The following PLLP variants were observed in gnomAD, a reference collection of about 807,000 sequenced individuals.
PLLP encodes the protein plasmolipin.
Under a neutral mutation model 19.7 loss-of-function variants are expected in PLLP, and 15 were observed. The observed-to-expected ratio is 0.76, with a 90% confidence interval of 0.51 to 1.17. The LOEUF (loss-of-function observed/expected upper bound fraction) is 1.17. Among genes scored for constraint, PLLP ranks in the 50% most tolerant of loss-of-function variants. The pLI, the probability that PLLP is intolerant of heterozygous loss-of-function variation, is 0.00. For missense variants in PLLP, 255 were observed against 258.3 expected (o/e 0.99, Z 0.09); for synonymous variants, 111 against 116.3 (o/e 0.95, Z 0.29).
intron 1 of PLLP, among the ~76,000 whole-genome samples, chr16:57,282,114 C>T (rs77065146): frequency 0.048 from 7,311 of 152,102 alleles, 549 homozygotes; most frequent in African/African-American, 0.17. Context: ...ACAAGCCTGC[C>T]CTAGAGGAAG....
intron 1 of PLLP, among the ~76,000 whole-genome samples, chr16:57,279,055 C>T (rs1172428298): frequency 1.3e-5 from 2 of 152,216 alleles, no homozygotes; most frequent in Non-Finnish European, 2.9e-5. Flanking sequence ...GCAAAGGCAC[C>T]TCTTATGCTT....
At chr16:57,267,856 C>G (rs1231747274) in intron 1 of PLLP, among the ~76,000 whole-genome samples, 1 of 116,654 alleles carries the variant, frequency 8.6e-6, no homozygotes, top group East Asian at 2.5e-4. Context: ...GCCTGGGCAA[C>G]AAGAGCGAAA....
In PLLP at chr16:57,261,993, G is replaced by A. The variant is rs1278764218; in HGVS notation, c.213C>T (p.Phe71=). 12 of 1,614,114 alleles carry A rather than the reference G, an allele frequency of 7.4e-6. No homozygotes were observed. The Admixed American group carries it at 1.3e-4, about 18-fold the overall frequency. Residue 71 remains phenylalanine, a synonymous_variant, in exon 2 of 4, where the codon TTC becomes TTT. Transcript: ENST00000219207. The stretch of plus-strand genomic sequence containing the variant: ...TCACCAGCCAGAGGAAGACAGCGAC[G>A]AACATCACCCAGCCATAGGCCGGAT... The part of the protein sequence containing the change: ...HLYPAYGWVM[F]VAVFLWLVTI...
intron 1 of PLLP, among the ~76,000 whole-genome samples, chr16:57,277,708 G>C (rs1307108418): frequency 1.3e-5 from 2 of 152,224 alleles, no homozygotes; most frequent in African/African-American, 2.4e-5. Flanking sequence ...CTGGGGAAAA[G>C]CATGGCTTGG....
intron 1 of PLLP, among the ~76,000 whole-genome samples, chr16:57,283,103 C>G (rs1189077331): frequency 6.6e-6 from 1 of 152,142 alleles, no homozygotes; most frequent in Admixed American, 6.5e-5. Flanking sequence ...TTCTCCCCCA[C>G]CCCCCAAAAG....
intron 1 of PLLP, among the ~76,000 whole-genome samples, chr16:57,268,741 G>A (rs548360798): frequency 2.0e-5 from 3 of 152,282 alleles, no homozygotes; most frequent in Non-Finnish European, 2.9e-5. Flanking sequence ...TCCTGCCTGG[G>A]CCCTAGGGTA....
At position 57,256,154 on chromosome 16, in the gene PLLP, T is replaced by A. The variant is rs2075424814; in HGVS notation, c.*759A>T. ...AATAAAACAGTCACCACCAACCACATGACAACTCGCCAGGCAAGGCCTTGC... is the reference window on the plus strand; with the variant it reads ...AATAAAACAGTCACCACCAACCACAAGACAACTCGCCAGGCAAGGCCTTGC... On this transcript the variant is annotated 3_prime_UTR_variant, in exon 4 of 4. Coordinates refer to ENST00000219207, the MANE Select transcript of PLLP (RefSeq NM_015993.3). The A allele has an allele frequency of 7.6e-6, 3 of 397,092 alleles. No homozygotes were observed. The highest frequency in any genetic ancestry group is 4.1e-5 in the African/African-American group (2 of 48,612). 24.6% of individuals were successfully genotyped at this position (397,092 alleles called of 1,614,324 possible). A position where few individuals can be genotyped will look rare whatever the true frequency, so the allele number is the denominator to read the frequency against.
At position 57,275,716 on chromosome 16, in the gene PLLP, T is replaced by C. The variant is rs191373624; in HGVS notation, c.135+8690A>G. On this transcript the variant is annotated intron_variant, in intron 1 of 3. Coordinates refer to ENST00000219207, the MANE Select transcript of PLLP (RefSeq NM_015993.3). ...AAACAAACAAATTAGGAAAGAAATA[T>C]TTGCAAATAATCCAGAACTCCTAGC... Among the ~76,000 whole-genome samples the C allele has an allele frequency of 2.9e-5, 4 of 136,050 alleles. No individual in the cohort carries two copies. The East Asian group carries it at 8.6e-4, about 29-fold the overall frequency. 89.3% of individuals were successfully genotyped at this position (136,050 alleles called of 152,430 possible).
intron 1 of PLLP, among the ~76,000 whole-genome samples, chr16:57,276,913 G>A (rs1175250556): frequency 1.3e-5 from 2 of 152,144 alleles, no homozygotes; most frequent in African/African-American, 4.8e-5. Context: ...TAGAAAACCC[G>A]AAGTGTCTGT....
chr16:57,273,548 G>A (rs1213236166), intron 1 of PLLP, among the ~76,000 whole-genome samples: 2 of 152,204 alleles, frequency 1.3e-5, no homozygotes, highest in Non-Finnish European at 2.9e-5. Context: ...GCCTGGGCCT[G>A]GCTTTTGTCA....
intron 3 of PLLP, among the ~76,000 whole-genome samples, chr16:57,257,711 T>G (rs1401760101): frequency 6.6e-6 from 1 of 152,208 alleles, no homozygotes; most frequent in Non-Finnish European, 1.5e-5. Flanking sequence ...ACTGGCCACC[T>G]GACGTGGGCC....
At chr16:57,273,692 T>C (rs1420968320) in intron 1 of PLLP, among the ~76,000 whole-genome samples, 1 of 152,120 alleles carries the variant, frequency 6.6e-6, no homozygotes, top group African/African-American at 2.4e-5. Flanking sequence ...GAAATCAGGG[T>C]CCTAGTCCTC....
At chr16:57,270,512 A>C (rs1470968432) in intron 1 of PLLP, among the ~76,000 whole-genome samples, 1 of 151,860 alleles carries the variant, frequency 6.6e-6, no homozygotes, top group African/African-American at 2.4e-5. Flanking sequence ...CACTGGGGAC[A>C]CATCTGGGCA....
chr16:57,278,087 C>T (rs1348755833), intron 1 of PLLP, among the ~76,000 whole-genome samples: 3 of 152,096 alleles, frequency 2.0e-5, no homozygotes. Context: ...TGCCTGTAAT[C>T]CCAGCACTTT....
rs550392872 is a variant in PLLP at position 57,264,764 on chromosome 16, G to A, written c.136-2694C>T. On this transcript the variant is annotated intron_variant, in intron 1 of 3. Coordinates refer to ENST00000219207, the MANE Select transcript of PLLP (RefSeq NM_015993.3). ...CTTGGGAGGCTGAGTGGGGAGGATCGCTTGAACCTGGGAGGTTGAGGCTAC... is the reference window on the plus strand; with the variant it reads ...CTTGGGAGGCTGAGTGGGGAGGATCACTTGAACCTGGGAGGTTGAGGCTAC... Among the ~76,000 whole-genome samples the A allele has an allele frequency of 2.6e-5, 4 of 152,290 alleles. No homozygotes were observed. The East Asian group carries it at 5.8e-4, about 22-fold the overall frequency.
chr16:57,256,946 C>T lies in PLLP; in HGVS notation c.516G>A (p.Ala172=), dbSNP rs746584000. 5.6e-6 allele frequency: 9 copies of T among 1,613,434 alleles called. No homozygotes were observed. Among genetic ancestry groups the T allele is most frequent in the African/African-American group, 5.3e-5 (4 of 74,926 alleles). The change falls in exon 4 of 4, where the codon GCG becomes GCA. Residue 172 remains alanine, a synonymous_variant. Coordinates refer to ENST00000219207, the MANE Select transcript of PLLP (RefSeq NM_015993.3). Reference sequence around the variant, plus strand: ...AGCCGCCAGCCATCTGACTGGTGGCCGCATTGCTGCCTACTCCTCGCCAGG... The same window carrying T: ...AGCCGCCAGCCATCTGACTGGTGGCTGCATTGCTGCCTACTCCTCGCCAGG... The part of the protein sequence containing the change: ...YQAWRGVGSN[A]ATSQMAGGYA
chr16:57,276,387 T>A (rs1209764911), intron 1 of PLLP, among the ~76,000 whole-genome samples: 1 of 151,382 alleles, frequency 6.6e-6, no homozygotes, highest in Non-Finnish European at 1.5e-5. Context: ...AGGTCAGGAG[T>A]TCAAGACCAG....
At chr16:57,270,914 T>C (rs2075472935) in intron 1 of PLLP, among the ~76,000 whole-genome samples, 1 of 152,100 alleles carries the variant, frequency 6.6e-6, no homozygotes, top group Non-Finnish European at 1.5e-5. Flanking sequence ...AACGGAGTCA[T>C]TCAGTCATTA....
intron 1 of PLLP, among the ~76,000 whole-genome samples, chr16:57,281,612 G>A (rs1901220508): frequency 6.8e-6 from 1 of 147,490 alleles, no homozygotes; most frequent in African/African-American, 2.6e-5. Flanking sequence ...CCGGGTTCAC[G>A]CCATTCTCCC....
Sources: gnomAD v4.1 joint callset for allele counts (sites outside exome capture counted in the v4.1 genomes callset) on GRCh38, gnomAD v4.1.1 for gene constraint, MANE v1.5 for transcripts, NCBI Gene and HGNC (gene_info 2026-07-23, HGNC 2026-07-21) for gene names.